Variants in NRF1 observed in about 807,000 individuals in gnomAD.
The protein encoded by NRF1 is alpha palindromic-binding protein.
NRF1 carries 5 observed loss-of-function variants against 58.5 expected under a neutral mutation model. The ratio of observed to expected loss-of-function variants is 0.09; its 90% CI spans 0.04 to 0.18. NRF1 has a LOEUF of 0.18. Among genes scored for constraint, NRF1 ranks in the 10% least tolerant of loss-of-function variants. NRF1 has a pLI of 1.00. For synonymous variants in NRF1, 224 were observed against 246.7 expected (o/e 0.91, Z 0.86); for missense variants, 288 against 657.7 (o/e 0.44, Z 6.15).
At chr7:129,719,543 C>CACACACACACAA (rs1255895761) in intron 9 of NRF1, among the ~76,000 whole-genome samples, 55 of 142,168 alleles carry the variant, frequency 3.9e-4, no homozygotes, top group African/African-American at 9.3e-4. Flanking sequence ...CACACACACA[C>CACACACACACAA]AACACATCTT....
chr7:129,690,726 C>T (rs1212194776), intron 5 of NRF1, among the ~76,000 whole-genome samples, 180 bp downstream of exon 5: 2 of 152,092 alleles, frequency 1.3e-5, no homozygotes, highest in African/African-American at 4.8e-5. Flanking sequence ...GAAAAGTGCT[C>T]CCAACCAAGG....
At chr7:129,615,074 G>A (rs560955981) in intron 1 of NRF1, among the ~76,000 whole-genome samples, 2 of 152,284 alleles carry the variant, frequency 1.3e-5, no homozygotes. Flanking sequence ...AGTAATTACT[G>A]AAATTAAAAT....
chr7:129,727,520 G>A (rs959478585), intron 10 of NRF1, among the ~76,000 whole-genome samples, 155 bp downstream of exon 10: 1 of 152,142 alleles, frequency 6.6e-6, no homozygotes, highest in Non-Finnish European at 1.5e-5. Context: ...CTGGGAGCCT[G>A]TGATTCCTTT....
chr7:129,657,607 A>ATTT (rs11446444), intron 2 of NRF1, 33 bp downstream of exon 2: 23,676 of 983,188 alleles, frequency 0.024, no homozygotes, highest in Non-Finnish European at 0.027. Context: ...CTCTTCTTTA[A>ATTT]TTTTTTTTTT....
rs911438703 is a variant in NRF1, at chr7:129,711,463, AT to A, written c.964-7del. The stretch of plus-strand genomic sequence containing the variant: ...CCACTGACACTTAACCACTTTCCAT[AT>A]TTTTCTTTAGGTTGGTACGGGGGCA... On this transcript the variant is annotated splice_polypyrimidine_tract_variant and intron_variant, in intron 7 of 10. Coordinates refer to ENST00000393232, the MANE Select transcript of NRF1 (RefSeq NM_005011.5). The A allele has an allele frequency of 1.2e-6, 2 of 1,601,592 alleles. No homozygotes were observed. Among genetic ancestry groups the A allele is most frequent in the Non-Finnish European group, 1.7e-6 (2 of 1,172,146 alleles).
intron 2 of NRF1, among the ~76,000 whole-genome samples, chr7:129,663,209 CCTTTT>C (rs1562963484): frequency 6.6e-6 from 1 of 152,094 alleles, no homozygotes. Context: ...CACATTTCCC[CCTTTT>C]CTTTTCGACA....
intron 1 of NRF1, among the ~76,000 whole-genome samples, chr7:129,629,381 C>T (rs374252091): frequency 5.3e-5 from 8 of 151,176 alleles, no homozygotes; most frequent in African/African-American, 1.7e-4. Context: ...CGGGTTCAAG[C>T]GATTCTCTGC....
intron 1 of NRF1, among the ~76,000 whole-genome samples, chr7:129,621,082 A>T (rs989069197): frequency 6.6e-6 from 1 of 152,234 alleles, no homozygotes; most frequent in African/African-American, 2.4e-5. Flanking sequence ...ACTAGATCTT[A>T]CTTGATTTCC....
intron 4 of NRF1, among the ~76,000 whole-genome samples, chr7:129,679,618 G>A (rs571959653): frequency 2.0e-5 from 3 of 152,042 alleles, no homozygotes; most frequent in South Asian, 2.1e-4. Context: ...AGCTACTCGG[G>A]AGGCTGAGGC....
intron 1 of NRF1, among the ~76,000 whole-genome samples, chr7:129,622,156 A>G (rs966326594): frequency 1.3e-5 from 2 of 152,172 alleles, no homozygotes; most frequent in African/African-American, 4.8e-5. Flanking sequence ...TAAGCTTATT[A>G]GGTGATTTTC....
At chr7:129,700,934 AAG>A (rs1009664183) in intron 5 of NRF1, among the ~76,000 whole-genome samples, 3 of 152,176 alleles carry the variant, frequency 2.0e-5, no homozygotes, top group African/African-American at 7.2e-5. Flanking sequence ...AAGGAAAAGA[AAG>A]AGAGAATATA....
intron 2 of NRF1, among the ~76,000 whole-genome samples, chr7:129,661,933 T>TC (rs1291889951): frequency 6.6e-6 from 1 of 150,660 alleles, no homozygotes; most frequent in African/African-American, 2.5e-5. Flanking sequence ...GACTTACAGA[T>TC]CTATGTGGCT....
chr7:129,643,812 G>C (rs111550695), intron 1 of NRF1, among the ~76,000 whole-genome samples: 1 of 152,204 alleles, frequency 6.6e-6, no homozygotes, highest in South Asian at 2.1e-4. Context: ...CATTTTGACA[G>C]GTGGGTCAGC....
chr7:129,722,372 C>A (rs1393167102), intron 9 of NRF1, among the ~76,000 whole-genome samples: 1 of 148,624 alleles, frequency 6.7e-6, no homozygotes, highest in African/African-American at 2.5e-5. Context: ...GCCTGGGCCA[C>A]AAGAGCGAAA....
chr7:129,695,998 G>A (rs1224533072), intron 5 of NRF1, among the ~76,000 whole-genome samples: 1 of 145,852 alleles, frequency 6.9e-6, no homozygotes, highest in Non-Finnish European at 1.5e-5. Flanking sequence ...CGAGGCAGGT[G>A]GATCACCTGA....
chr7:129,681,637 A>G (rs770981366), intron 4 of NRF1, among the ~76,000 whole-genome samples: 1 of 152,164 alleles, frequency 6.6e-6, no homozygotes. Context: ...GTAGTGGCAC[A>G]ATCTCAGCTC....
At position 129,747,608 on chromosome 7, in the gene NRF1, T is replaced by C. The variant is rs114063763; in HGVS notation, c.1349-7410T>C. 8.8e-3 allele frequency among the ~76,000 whole-genome samples: 1,337 copies of C among 152,226 alleles called. 22 individuals are homozygous for C. Among genetic ancestry groups the C allele is most frequent in the African/African-American group, 0.031 (1,270 of 41,528 alleles). On this transcript the variant is annotated intron_variant, in intron 10 of 10. Coordinates refer to ENST00000393232, the MANE Select transcript of NRF1 (RefSeq NM_005011.5). ...AGATTTTAATGTGTCATCCCATCTATCTAGTTTAGCAGCCCTGTGAGATGA... is the reference window on the plus strand; with the variant it reads ...AGATTTTAATGTGTCATCCCATCTACCTAGTTTAGCAGCCCTGTGAGATGA...
intron 1 of NRF1, among the ~76,000 whole-genome samples, chr7:129,619,393 CGTGT>C (rs1475562319): frequency 2.4e-5 from 1 of 42,186 alleles, no homozygotes; most frequent in Non-Finnish European, 4.2e-5. Flanking sequence ...ACTTGGCATA[CGTGT>C]ATATATATAT....
At chr7:129,656,799 A>G (rs988883978) in intron 1 of NRF1, among the ~76,000 whole-genome samples, 1 of 152,000 alleles carries the variant, frequency 6.6e-6, no homozygotes, top group Non-Finnish European at 1.5e-5. Flanking sequence ...CTGGTCTCGA[A>G]CTCCTGACCT....
Sources: allele counts gnomAD v4.1 joint callset (sites outside exome capture counted in the v4.1 genomes callset), GRCh38; gene constraint gnomAD v4.1.1; transcripts MANE v1.5; gene names NCBI Gene and HGNC (gene_info 2026-07-23, HGNC 2026-07-21).